Variants in SLC5A4 observed in about 807,000 individuals in gnomAD.
SLC5A4 encodes the protein solute carrier family 5 member 4.
A neutral mutation model predicts 70.3 loss-of-function variants in SLC5A4; 55 were observed. That is an observed-to-expected ratio of 0.78 (90% confidence interval 0.63 to 0.98). The LOEUF is 0.98. Ranked by LOEUF, SLC5A4 falls within the 50% of genes least tolerant of loss-of-function variation. The pLI is 0.00. For synonymous variants in SLC5A4, 268 were observed against 305.7 expected, an observed-to-expected ratio of 0.88 and a Z score of 1.29; for missense variants, 735 against 839.2, an observed-to-expected ratio of 0.88 and a Z score of 1.53.
the SLC5A4 span, among the ~76,000 whole-genome samples, chr22:32,312,367 A>ACG: frequency 4.0e-5 from 4 of 99,580 alleles, no homozygotes; most frequent in Non-Finnish European, 8.9e-5. Context: ...GCGCGCGCGC[A>ACG]CACACACACA....
chr22:32,301,805 A>T, the SLC5A4 span, among the ~76,000 whole-genome samples: 1 of 151,110 alleles, frequency 6.6e-6, no homozygotes, highest in East Asian at 2.0e-4. Context: ...CTGGCATAAG[A>T]ATAGGTATAT....
At chr22:32,227,227 A>G (rs1245901648) in intron 11 of SLC5A4, among the ~76,000 whole-genome samples, 1 of 152,214 alleles carries the variant, frequency 6.6e-6, no homozygotes, top group Non-Finnish European at 1.5e-5. Flanking sequence ...GGGAAAAGAA[A>G]AAGTTATTAC....
chr22:32,270,714 C>T, the SLC5A4 span: 1 of 658,798 alleles, frequency 1.5e-6, no homozygotes, highest in Non-Finnish European at 2.8e-6. Flanking sequence ...AGTTGTACTT[C>T]ATCCCTGTGG....
At chr22:32,344,850 A>C in the SLC5A4 span, among the ~76,000 whole-genome samples, 1 of 152,130 alleles carries the variant, frequency 6.6e-6, no homozygotes, top group African/African-American at 2.4e-5. Context: ...TGATTAGCGT[A>C]CCCTGTATCT....
chr22:32,237,182 C>T (rs535852736), intron 7 of SLC5A4, 62 bp downstream of exon 7: 157 of 1,185,704 alleles, frequency 1.3e-4, no homozygotes, highest in Non-Finnish European at 1.8e-4. Context: ...GCAGACAGAC[C>T]GAACAGAAAC....
chr22:32,268,895 T>C, the SLC5A4 span, among the ~76,000 whole-genome samples: 5 of 152,288 alleles, frequency 3.3e-5, no homozygotes, highest in Middle Eastern at 3.4e-3. Context: ...ATTTAAAGTA[T>C]TTTTTGCATT....
chr22:32,308,763 CAT>C, the SLC5A4 span, among the ~76,000 whole-genome samples: 2 of 151,822 alleles, frequency 1.3e-5, no homozygotes, highest in African/African-American at 4.8e-5. Flanking sequence ...TATGAAATCA[CAT>C]GTATGTGTGT....
At chr22:32,308,823 G>C in the SLC5A4 span, among the ~76,000 whole-genome samples, 1,331 of 152,210 alleles carry the variant, frequency 8.7e-3, 16 homozygotes, top group Non-Finnish European at 0.011. Context: ...TGCACAGCTG[G>C]GTGTGTGTGC....
chr22:32,273,327 T>C, the SLC5A4 span: 155 of 207,252 alleles, frequency 7.5e-4, no homozygotes, highest in African/African-American at 2.7e-3. Flanking sequence ...CAGAGACATC[T>C]GTTGTAATAT....
At chr22:32,325,505 G>A in the SLC5A4 span, among the ~76,000 whole-genome samples, 3 of 152,210 alleles carry the variant, frequency 2.0e-5, no homozygotes, top group Non-Finnish European at 2.9e-5. Flanking sequence ...CATGGCTGTC[G>A]CGGCACAAGA....
chr22:32,322,612 A>G, the SLC5A4 span, among the ~76,000 whole-genome samples: 3 of 151,998 alleles, frequency 2.0e-5, no homozygotes, highest in Non-Finnish European at 2.9e-5. Context: ...TTGGAAAAAA[A>G]AAAAGAAACA....
chr22:32,229,249 G>A lies in SLC5A4; in HGVS notation c.1225C>T (p.Leu409Phe), dbSNP rs1354913345. 1 of 1,613,942 alleles carries A rather than the reference G, an allele frequency of 6.2e-7. No individual in the cohort carries two copies. The highest frequency in any genetic ancestry group is 2.2e-5 in the East Asian group (1 of 44,844). Residue 409 changes from leucine to phenylalanine, a missense_variant, in exon 11 of 15, where the codon CTC becomes TTC. Coordinates refer to ENST00000266086, the MANE Select transcript of SLC5A4 (RefSeq NM_014227.3). ...NSASTLFTID[L>F]YTKMRKQASE... ...GCTTGCTTCCGCATCTTGGTGTAGA[G>A]GTCAATGGTGAAGAGGGTGCTGGCG...
At chr22:32,343,657 T>C in the SLC5A4 span, among the ~76,000 whole-genome samples, 1 of 152,214 alleles carries the variant, frequency 6.6e-6, no homozygotes, top group African/African-American at 2.4e-5. Flanking sequence ...TCTTCATGCA[T>C]AGCTACTACA....
the SLC5A4 span, among the ~76,000 whole-genome samples, chr22:32,354,545 T>C: frequency 6.6e-6 from 1 of 151,374 alleles, no homozygotes; most frequent in African/African-American, 2.4e-5. Flanking sequence ...ACCCGATAGT[T>C]CTTCCAACTC....
chr22:32,226,822 C>G (rs1925427572), intron 11 of SLC5A4, among the ~76,000 whole-genome samples: 1 of 152,148 alleles, frequency 6.6e-6, no homozygotes, highest in Admixed American at 6.5e-5. Context: ...CCTTTCTGAC[C>G]TTGCTCTTCA....
At chr22:32,235,446 A>C (rs150747742) in intron 7 of SLC5A4, among the ~76,000 whole-genome samples, 2 of 152,180 alleles carry the variant, frequency 1.3e-5, no homozygotes, top group Admixed American at 1.3e-4. Context: ...GTGAGCTAAC[A>C]AAGTGAGCCT....
chr22:32,321,601 G>A, the SLC5A4 span, among the ~76,000 whole-genome samples: 2 of 152,052 alleles, frequency 1.3e-5, no homozygotes, highest in Non-Finnish European at 2.9e-5. Flanking sequence ...ATTTTTTCCT[G>A]GTCCTCCCCC....
At chr22:32,351,473 A>G in the SLC5A4 span, among the ~76,000 whole-genome samples, 3 of 151,536 alleles carry the variant, frequency 2.0e-5, no homozygotes, top group African/African-American at 7.3e-5. Context: ...AGAGGCTGAG[A>G]TGGGAAGATC....
chr22:32,255,227 AGAT>A lies in SLC5A4; in HGVS notation c.100_102del (p.Ile34del), dbSNP rs755635097. 6.2e-7 allele frequency: 1 copy of A among 1,614,044 alleles called. No homozygotes were observed. Among genetic ancestry groups the A allele is most frequent in the Non-Finnish European group, 8.5e-7 (1 of 1,180,010 alleles). ...CCAACAGCCATCACCACCAGAAAAT[AGAT>A]GACAATGACTGAGATGTCAGCAGCA... is the stretch of plus-strand genomic sequence containing the variant. On this transcript the variant is annotated inframe_deletion, in exon 1 of 15. Coordinates refer to ENST00000266086, the MANE Select transcript of SLC5A4 (RefSeq NM_014227.3).
Sources: gnomAD v4.1 joint callset for allele counts (sites outside exome capture counted in the v4.1 genomes callset) on GRCh38, gnomAD v4.1.1 for gene constraint, MANE v1.5 for transcripts, NCBI Gene and HGNC (gene_info 2026-07-23, HGNC 2026-07-21) for gene names.